The following SIRPB2 variants were observed in gnomAD, a reference collection of about 807,000 sequenced individuals.
The protein encoded by SIRPB2 is signal regulatory protein beta 2, also known as signal-regulatory protein beta-2.
In SIRPB2, 18 loss-of-function variants were observed where a neutral mutation model predicts 27.1. That is an observed-to-expected ratio of 0.66 (90% CI 0.46 to 0.98). The LOEUF (loss-of-function observed/expected upper bound fraction) is 0.98. Ranked by LOEUF, SIRPB2 falls within the 50% of genes least tolerant of loss-of-function variation. SIRPB2 has a pLI of 0.00. For missense variants in SIRPB2, 420 were observed against 417.4 expected, an observed-to-expected ratio of 1.01 and a Z score of -0.06; for synonymous variants, 150 against 164.6, an observed-to-expected ratio of 0.91 and a Z score of 0.68.
In SIRPB2 at chr20:1,480,034, C is replaced by A. The variant is rs1304457264; in HGVS notation, c.117G>T (p.Trp39Cys). The stretch of plus-strand genomic sequence containing the variant: ...TGGGGCCCTCGGGCTGTAGCACCTG[C>A]CAGTCATTCCTGCTGCTCTGCCCAG... ...DASGQSSRND[W>C]QVLQPEGPML... is the part of the protein sequence containing the mutation. Residue 39 changes from tryptophan to cysteine, a missense_variant, in exon 2 of 5, where the codon TGG (tryptophan) becomes TGT (cysteine). By Grantham distance (215) the Trp-to-Cys change is radical (BLOSUM62 -2). Coordinates refer to ENST00000359801, the MANE Select transcript of SIRPB2 (RefSeq NM_001122962.2). 21 of 1,613,200 alleles carry A rather than the reference C, an allele frequency of 1.3e-5. No homozygotes were observed. Among genetic ancestry groups the A allele is most frequent in the Non-Finnish European group, 1.8e-5 (21 of 1,179,670 alleles).
rs770520992 is a variant in SIRPB2 at position 1,476,172 on chromosome 20, C to CT, written c.1023dup (p.Glu342ArgfsTer51). On this transcript the variant is annotated frameshift_variant, in exon 5 of 5. Transcript: ENST00000359801. LOFTEE classifies it high-confidence loss of function. ...CTCACTCTGGGGCTGACCCCTCACT[C>CT]TTGACCCTTGCTCCATGCTAAGGTG... The CT allele has an allele frequency of 3.1e-6, 5 of 1,613,796 alleles. No homozygotes were observed. The South Asian group carries it at 5.5e-5, about 18-fold the overall frequency.
downstream of SIRPB2, chr20:1,473,877 A>C: frequency 2.2e-6 from 1 of 456,174 alleles, no homozygotes; most frequent in South Asian, 1.5e-5. Context: ...AAACCTGATA[A>C]TTTAAAACAA....
intron 1 of SIRPB2, among the ~76,000 whole-genome samples, chr20:1,486,688 A>G (rs1373291325): frequency 2.6e-5 from 4 of 152,192 alleles, no homozygotes; most frequent in Admixed American, 6.5e-5. Context: ...AATTTACCAT[A>G]TTACTAAACT....
chr20:1,486,772 CTT>C (rs1266803885), intron 1 of SIRPB2, among the ~76,000 whole-genome samples: 2 of 152,122 alleles, frequency 1.3e-5, no homozygotes, highest in Non-Finnish European at 2.9e-5. Context: ...AGTTTTCAAA[CTT>C]GAACATGCAT....
intron 4 of SIRPB2, 140 bp downstream of exon 4, chr20:1,477,198 G>T: frequency 6.2e-7 from 1 of 1,608,858 alleles, no homozygotes; most frequent in Non-Finnish European, 8.5e-7. Context: ...TAGTTCTGCA[G>T]TTGAGATGAA....
chr20:1,488,183 A>C (rs2090744880), intron 1 of SIRPB2, among the ~76,000 whole-genome samples: 1 of 152,222 alleles, frequency 6.6e-6, no homozygotes, highest in Non-Finnish European at 1.5e-5. Context: ...AATCTTTGCA[A>C]AGCATATATC....
intron 1 of SIRPB2, 173 bp from the exon 2 acceptor site, chr20:1,480,238 G>A (rs1380326286): frequency 1.2e-6 from 1 of 846,812 alleles, no homozygotes; most frequent in African/African-American, 1.7e-5. Context: ...TGCAGAGAGA[G>A]AACTGAGCTA....
rs776664107 is a variant in SIRPB2 at position 1,479,717 on chromosome 20, G to A, written c.434C>T (p.Thr145Ile). 4.3e-6 allele frequency: 7 copies of A among 1,613,994 alleles called. No homozygotes were observed. The highest frequency in any genetic ancestry group is 2.2e-5 in the South Asian group (2 of 91,090). Residue 145 changes from threonine (T) to isoleucine (I), a missense_variant, in exon 2 of 5, where the codon ACC becomes ATC. By Grantham distance (89) the Thr-to-Ile change is moderately conservative. Coordinates refer to ENST00000359801, the MANE Select transcript of SIRPB2 (RefSeq NM_001122962.2). ...ATCCTTACCCTTCACAAGCACTGAG[G>A]TGCCTTCATCCGATTTCATTTCTGA... ...EHSEMKSDEG[T>I]SVLVKGAGDP...
intron 1 of SIRPB2, among the ~76,000 whole-genome samples, chr20:1,490,719 T>G (rs907688719): frequency 6.6e-6 from 1 of 152,208 alleles, no homozygotes; most frequent in Admixed American, 6.5e-5. Context: ...TGGTGAGGTT[T>G]GAGCCTACTG....
At chr20:1,479,529 CAT>C in intron 2 of SIRPB2, 169 bp downstream of exon 2, 2 of 1,024,728 alleles carry the variant, frequency 2.0e-6, no homozygotes, top group East Asian at 4.8e-5. Context: ...TGGCATGAGA[CAT>C]GAGGAGTGGA....
chr20:1,478,470 C>G lies in SIRPB2; in HGVS notation c.589G>C (p.Ala197Pro). 2 of 1,614,210 alleles carry G rather than the reference C, an allele frequency of 1.2e-6. No individual in the cohort carries two copies. Among genetic ancestry groups the G allele is most frequent in the Non-Finnish European group, 1.7e-6 (2 of 1,180,048 alleles). Residue 197 changes from alanine to proline, a missense_variant, in exon 3 of 5, where the codon GCT becomes CCT. Physicochemically the swap from Ala to Pro is conservative, Grantham distance 27 (BLOSUM62 -1). Coordinates refer to ENST00000359801, the MANE Select transcript of SIRPB2 (RefSeq NM_001122962.2). ...TAAATGGCCTCCCGGCTCAGACCAG[C>G]TCCCTGGAACCACCTGATGGGTCCA... ...PPGPIRWFQG[A>P]GLSREAIYNF...
At chr20:1,488,833 G>A (rs531149120) in intron 1 of SIRPB2, among the ~76,000 whole-genome samples, 8 of 152,224 alleles carry the variant, frequency 5.3e-5, no homozygotes, top group Admixed American at 2.0e-4. Flanking sequence ...AAAGTTAAAC[G>A]TATGGCAACC....
At chr20:1,470,879 G>A (rs887238634), downstream of SIRPB2, 8 of 152,190 alleles carry the variant, frequency 5.3e-5, no homozygotes, top group African/African-American at 1.9e-4. Context: ...GAATAATCAT[G>A]TAAGATTCTC....
At position 1,476,284 on chromosome 20, in the gene SIRPB2, C is replaced by A. The variant is rs8119290; in HGVS notation, c.912G>T (p.Leu304Phe). The A allele has an allele frequency of 2.7e-4, 430 of 1,613,836 alleles. 3 individuals are homozygous for A. In the African/African-American group the frequency reaches 5.1e-3, roughly 19 times the overall value. Residue 304 changes from leucine (L) to phenylalanine (F), a missense_variant, in exon 5 of 5, where the codon TTG becomes TTT. Transcript: ENST00000359801. ...TAGCCAGGGCCAGTAGGAGTGCAGC[C>A]AAGGTAATTGCCTTCAGCCCCAGGA... is the stretch of plus-strand genomic sequence containing the variant. ...PVVLGLKAIT[L>F]AALLLALATS...
intron 1 of SIRPB2, among the ~76,000 whole-genome samples, chr20:1,488,535 T>C (rs952803182): frequency 6.6e-6 from 1 of 151,988 alleles, no homozygotes; most frequent in Non-Finnish European, 1.5e-5. Flanking sequence ...GTAGTCACAG[T>C]TATTTGGTAG....
chr20:1,485,384 T>TA (rs1441219564), intron 1 of SIRPB2, among the ~76,000 whole-genome samples: 3 of 152,098 alleles, frequency 2.0e-5, no homozygotes, highest in African/African-American at 7.2e-5. Context: ...ATGTATCGAT[T>TA]AAAAAAGAAA....
At chr20:1,480,784 A>G (rs2090663885) in intron 1 of SIRPB2, among the ~76,000 whole-genome samples, 1 of 152,176 alleles carries the variant, frequency 6.6e-6, no homozygotes, top group Non-Finnish European at 1.5e-5. Flanking sequence ...TTTGTTATGG[A>G]AGCTCTGGCA....
downstream of SIRPB2, among the ~76,000 whole-genome samples, chr20:1,471,760 T>C (rs1180558733): frequency 1.3e-5 from 2 of 152,194 alleles, no homozygotes; most frequent in Admixed American, 1.3e-4. Flanking sequence ...TGTCAGGTTA[T>C]AGGAAGCCCC....
At chr20:1,480,184 G>C (rs1311798240) in intron 1 of SIRPB2, 119 bp from the exon 2 acceptor site, 16 of 1,337,996 alleles carry the variant, frequency 1.2e-5, no homozygotes, top group Non-Finnish European at 1.5e-5. Flanking sequence ...TAAGACAGGA[G>C]TGTCATTAGA....
Sources: allele counts gnomAD v4.1 joint callset (sites outside exome capture counted in the v4.1 genomes callset), GRCh38; gene constraint gnomAD v4.1.1; transcripts MANE v1.5; gene names NCBI Gene and HGNC (gene_info 2026-07-23, HGNC 2026-07-21).